Variants in CACNA2D3 observed in about 807,000 individuals in gnomAD.
CACNA2D3 encodes calcium voltage-gated channel auxiliary subunit alpha2delta 3.
Under a neutral mutation model 160.6 loss-of-function variants are expected in CACNA2D3, and 60 were observed. That is an observed-to-expected ratio of 0.37 (90% CI 0.30 to 0.46). The LOEUF is 0.46. Among genes scored for constraint, CACNA2D3 ranks in the 20% least tolerant of loss-of-function variants. The probability of loss-of-function intolerance (pLI) is 1.00; values close to 1 mark genes in which losing one functional copy is unlikely to be tolerated. For synonymous variants in CACNA2D3, 558 were observed against 492.9 expected (o/e 1.13, Z -1.75); for missense variants, 1,205 against 1,365.0 (o/e 0.88, Z 1.85).
At chr3:54,157,046 C>T (rs1700257089) in intron 2 of CACNA2D3, among the ~76,000 whole-genome samples, 1 of 152,210 alleles carries the variant, frequency 6.6e-6, no homozygotes, top group South Asian at 2.1e-4. Flanking sequence ...GAAATGTATT[C>T]TCTCACAGTT....
chr3:54,899,429 C>A (rs1700275388), intron 26 of CACNA2D3, among the ~76,000 whole-genome samples: 1 of 152,144 alleles, frequency 6.6e-6, no homozygotes, highest in African/African-American at 2.4e-5. Context: ...TATATTTAGA[C>A]AGGCAGTGTA....
intron 27 of CACNA2D3, among the ~76,000 whole-genome samples, chr3:54,946,093 A>G (rs1248127701): frequency 6.6e-6 from 1 of 152,250 alleles, no homozygotes; most frequent in African/African-American, 2.4e-5. Context: ...CTAAGGAAAT[A>G]AAAAGCAGTA....
chr3:55,065,132 A>G (rs1277402272), intron 35 of CACNA2D3, among the ~76,000 whole-genome samples: 1 of 152,136 alleles, frequency 6.6e-6, no homozygotes, highest in Non-Finnish European at 1.5e-5. Context: ...CTGTTCTTTT[A>G]AGGATTGTTT....
intron 35 of CACNA2D3, among the ~76,000 whole-genome samples, chr3:55,065,054 A>G (rs1413003165): frequency 6.6e-6 from 1 of 152,130 alleles, no homozygotes. Flanking sequence ...TCTGACTCTA[A>G]TTAGCCTGCT....
At chr3:54,932,372 T>C (rs1701211278) in intron 27 of CACNA2D3, among the ~76,000 whole-genome samples, 1 of 151,896 alleles carries the variant, frequency 6.6e-6, no homozygotes. Context: ...TGTCTGAAAA[T>C]GGAATAAGTG....
chr3:54,514,499 T>C (rs1178713135), intron 5 of CACNA2D3, among the ~76,000 whole-genome samples: 1 of 152,000 alleles, frequency 6.6e-6, no homozygotes, highest in African/African-American at 2.4e-5. Context: ...GCTGCATGGG[T>C]GTGAGGAGGT....
intron 2 of CACNA2D3, among the ~76,000 whole-genome samples, chr3:54,129,802 A>AT (rs1303671400): frequency 5.9e-5 from 9 of 152,306 alleles, no homozygotes; most frequent in Non-Finnish European, 1.5e-5. Flanking sequence ...TGCACATGCC[A>AT]TTACCGTAAT....
intron 3 of CACNA2D3, among the ~76,000 whole-genome samples, chr3:54,337,516 C>T (rs903610999): frequency 6.6e-6 from 1 of 152,174 alleles, no homozygotes; most frequent in South Asian, 2.1e-4. Flanking sequence ...TGCTTAAGTT[C>T]TGCTGTCTCT....
chr3:54,940,330 A>G (rs931465424), intron 27 of CACNA2D3, among the ~76,000 whole-genome samples: 7 of 152,252 alleles, frequency 4.6e-5, no homozygotes, highest in African/African-American at 1.7e-4. Flanking sequence ...TTCTAAAAAT[A>G]TATTCAACTT....
intron 9 of CACNA2D3, among the ~76,000 whole-genome samples, chr3:54,587,349 G>A (rs898642777): frequency 1.3e-5 from 2 of 152,110 alleles, no homozygotes; most frequent in African/African-American, 4.8e-5. Context: ...CTGAGGTCAG[G>A]AGTTGGAGAC....
intron 9 of CACNA2D3, among the ~76,000 whole-genome samples, chr3:54,606,131 A>G (rs1266866742): frequency 1.4e-5 from 2 of 144,680 alleles, no homozygotes; most frequent in Non-Finnish European, 3.0e-5. Flanking sequence ...TCACTTGACT[A>G]TGTAATGTAA....
intron 3 of CACNA2D3, among the ~76,000 whole-genome samples, chr3:54,383,038 G>C (rs1699129565): frequency 6.6e-6 from 1 of 152,036 alleles, no homozygotes. Context: ...TGTAGAGATG[G>C]GGATTTGCCA....
chr3:54,622,417 A>G (rs1389204909), intron 9 of CACNA2D3, among the ~76,000 whole-genome samples: 1 of 152,104 alleles, frequency 6.6e-6, no homozygotes, highest in Non-Finnish European at 1.5e-5. Context: ...CTGGGACTAC[A>G]GGCGCCCGCC....
At chr3:54,883,712 C>T (rs1308970773) in intron 21 of CACNA2D3, among the ~76,000 whole-genome samples, 3 of 151,730 alleles carry the variant, frequency 2.0e-5, no homozygotes, top group African/African-American at 7.3e-5. Flanking sequence ...CCATGAGCAC[C>T]CTTCCTGCCA....
intron 14 of CACNA2D3, among the ~76,000 whole-genome samples, chr3:54,821,672 CTTTCTTTCTTTCTTTCTTTCTTTCT>C (rs1703600320): frequency 1.5e-4 from 18 of 120,418 alleles, no homozygotes; most frequent in African/African-American, 5.3e-4. Context: ...TTCTTTCTTT[CTTTCTTTCTTTCTTTCTTTCTTTCT>C]TTCCTTCCTT....
chr3:54,211,537 G>C (rs539253243), intron 2 of CACNA2D3, among the ~76,000 whole-genome samples: 4 of 152,320 alleles, frequency 2.6e-5, no homozygotes, highest in Non-Finnish European at 4.4e-5. Context: ...GGTTGCAGCA[G>C]TTAATACCCC....
intron 4 of CACNA2D3, among the ~76,000 whole-genome samples, chr3:54,458,453 G>GT (rs556768852): frequency 0.022 from 3,218 of 144,728 alleles, 80 homozygotes; most frequent in East Asian, 0.11. Context: ...TTTGCTGGCA[G>GT]TTTTTTTTTT....
intron 13 of CACNA2D3, among the ~76,000 whole-genome samples, chr3:54,768,990 C>G (rs1702269673): frequency 6.6e-6 from 1 of 152,114 alleles, no homozygotes. Flanking sequence ...TTTGTTAGGT[C>G]TGCCGGGTGA....
At chr3:54,143,238 A>C (rs572170912) in intron 2 of CACNA2D3, among the ~76,000 whole-genome samples, 2 of 152,336 alleles carry the variant, frequency 1.3e-5, no homozygotes, top group South Asian at 4.1e-4. Flanking sequence ...ACAAATGCTG[A>C]GTTCATTATT....
Sources: gnomAD v4.1 joint callset for allele counts (sites outside exome capture counted in the v4.1 genomes callset) on GRCh38, gnomAD v4.1.1 for gene constraint, MANE v1.5 for transcripts, NCBI Gene and HGNC (gene_info 2026-07-23, HGNC 2026-07-21) for gene names.